The following ATP6V0A4 variants were observed in gnomAD, a reference collection of about 807,000 sequenced individuals.
ATP6V0A4 encodes the protein ATPase H+ transporting V0 subunit a4, also known as V-type proton ATPase 116 kDa subunit a 4.
Under a neutral mutation model 107.3 loss-of-function variants are expected in ATP6V0A4, and 86 were observed. The ratio of observed to expected loss-of-function variants is 0.80; its 90% CI spans 0.67 to 0.96. The LOEUF (loss-of-function observed/expected upper bound fraction) is 0.96. Ranked by LOEUF, ATP6V0A4 falls within the 40% of genes least tolerant of loss-of-function variation. The pLI is 0.00. For missense variants in ATP6V0A4, 908 were observed against 1,045.6 expected, an observed-to-expected ratio of 0.87 and a Z score of 1.81; for synonymous variants, 353 against 381.4, an observed-to-expected ratio of 0.93 and a Z score of 0.87.
chr7:138,771,204 A>G lies in ATP6V0A4; in HGVS notation c.44T>C (p.Leu15Pro), dbSNP rs1374810796. 1 of 1,614,214 alleles carries G rather than the reference A, an allele frequency of 6.2e-7. No homozygotes were observed. The highest frequency in any genetic ancestry group is 1.6e-4 in the Middle Eastern group (1 of 6,062). The part of the protein sequence containing the change: ...FRSEEMCLSQ[L>P]FLQVEAAYCC... The stretch of plus-strand genomic sequence containing the variant: ...ATATGCAGCTTCCACCTGGAGAAAC[A>G]GTTGTGACAAACACATCTCCTCGCT... The change falls in exon 3 of 22, where the codon CTG (leucine) becomes CCG (proline). Residue 15 changes from leucine to proline, a missense_variant. By Grantham distance (98) the Leu-to-Pro change is moderately conservative (BLOSUM62 -3). Transcript: ENST00000310018.
chr7:138,785,282 T>C (rs1328450815), intron 2 of ATP6V0A4, among the ~76,000 whole-genome samples: 1 of 149,814 alleles, frequency 6.7e-6, no homozygotes, highest in Non-Finnish European at 1.5e-5. Context: ...TTTTTTCTTT[T>C]TTTTTTTTTT....
intron 5 of ATP6V0A4, 71 bp from the exon 6 acceptor site, chr7:138,763,096 A>G: frequency 6.3e-7 from 1 of 1,585,992 alleles, no homozygotes; most frequent in East Asian, 2.3e-5. Context: ...ATTACCCACA[A>G]CAGATGACTA....
intron 15 of ATP6V0A4, among the ~76,000 whole-genome samples, chr7:138,737,115 A>AATATATATATATAT (rs1554394380): frequency 1.4e-4 from 12 of 86,758 alleles, no homozygotes; most frequent in African/African-American, 5.7e-4. Context: ...AGCCCTTATT[A>AATATATATATATAT]ATATATATAT....
intron 14 of ATP6V0A4, among the ~76,000 whole-genome samples, 187 bp downstream of exon 14, chr7:138,744,936 C>T (rs1805835993): frequency 6.6e-6 from 1 of 152,200 alleles, no homozygotes; most frequent in Non-Finnish European, 1.5e-5. Flanking sequence ...CTCCTAACCT[C>T]AGGTGATCCA....
intron 20 of ATP6V0A4, among the ~76,000 whole-genome samples, chr7:138,713,280 G>GAAAAAAAA (rs10673617): frequency 8.3e-6 from 1 of 120,748 alleles, no homozygotes; most frequent in African/African-American, 3.2e-5. Context: ...ACTCCAGCCT[G>GAAAAAAAA]AAAAAAAAAA....
At chr7:138,778,078 A>C (rs1807751255) in intron 2 of ATP6V0A4, among the ~76,000 whole-genome samples, 1 of 152,196 alleles carries the variant, frequency 6.6e-6, no homozygotes, top group Non-Finnish European at 1.5e-5. Flanking sequence ...TAAGGTATAT[A>C]TGAACATACA....
intron 17 of ATP6V0A4, among the ~76,000 whole-genome samples, chr7:138,730,931 C>CTCCTTTT (rs1804972049): frequency 8.1e-6 from 1 of 123,758 alleles, no homozygotes; most frequent in African/African-American, 3.1e-5. Flanking sequence ...TCTTCTTCTT[C>CTCCTTTT]TTTTTTTATT....
At position 138,798,177 on chromosome 7, in the gene ATP6V0A4, T is replaced by TGCTCG; in HGVS notation, c.-269_-265dup. On this transcript the variant is annotated 5_prime_UTR_variant, in exon 1 of 22. Coordinates refer to ENST00000310018, the MANE Select transcript of ATP6V0A4 (RefSeq NM_020632.3). ...GGCCTTTGCCTCCCTCCACTCGGCTTGCTCGGCAGGTAGCGTTATGAGCTT... is the reference window on the plus strand; with the variant it reads ...GGCCTTTGCCTCCCTCCACTCGGCTTGCTCGGCTCGGCAGGTAGCGTTATGAGCTT... The TGCTCG allele has an allele frequency of 6.3e-7, 1 of 1,594,690 alleles. No individual in the cohort carries two copies. The highest frequency in any genetic ancestry group is 8.5e-7 in the Non-Finnish European group (1 of 1,171,184).
intron 17 of ATP6V0A4, among the ~76,000 whole-genome samples, chr7:138,730,916 T>TTC (rs3080531): frequency 9.9e-5 from 14 of 141,036 alleles, no homozygotes; most frequent in South Asian, 2.3e-4. Flanking sequence ...CAAGGCATTT[T>TTC]TTCTTCTTCT....
chr7:138,762,447 G>C lies in ATP6V0A4; in HGVS notation c.418-13C>G, dbSNP rs752531162. ...AATTGGTTTCCGTCTGAAAGTCAAA[G>C]CACTATGATTTTCATTTAAATATAT... On this transcript the variant is annotated splice_polypyrimidine_tract_variant and intron_variant, in intron 6 of 21. Transcript: ENST00000310018. 8.6e-5 allele frequency: 138 copies of C among 1,613,790 alleles called. No individual in the cohort carries two copies. In the Middle Eastern group the frequency reaches 1.8e-3, roughly 21 times the overall value.
At position 138,724,908 on chromosome 7, in the gene ATP6V0A4, G is replaced by A. The variant is rs186131523; in HGVS notation, c.2011-2883C>T. 1.9e-3 allele frequency among the ~76,000 whole-genome samples: 292 copies of A among 152,258 alleles called. 3 individuals are homozygous for A. Among genetic ancestry groups the A allele is most frequent in the African/African-American group, 6.8e-3 (284 of 41,550 alleles). ...AGTCCTCTTACTAAAATCGCACAAT[G>A]CTTAAGCTGGGTGGCGTATGAAATA... On this transcript the variant is annotated intron_variant, in intron 18 of 21. Coordinates refer to ENST00000310018, the MANE Select transcript of ATP6V0A4 (RefSeq NM_020632.3).
chr7:138,752,560 AC>A, intron 11 of ATP6V0A4, 64 bp downstream of exon 11: 6 of 1,591,726 alleles, frequency 3.8e-6, no homozygotes, highest in Non-Finnish European at 5.1e-6. Context: ...TGAGGCCAAC[AC>A]CCTCTGAGAG....
rs966270023 is a variant in ATP6V0A4 at position 138,771,065 on chromosome 7, T to G, written c.117+66A>C. 2.8e-6 allele frequency: 4 copies of G among 1,415,350 alleles called. No homozygotes were observed. In the South Asian group the frequency reaches 3.5e-5, roughly 12 times the overall value. The allele number at this position is 1,415,350 out of a possible 1,614,324, so 87.7% of individuals were successfully genotyped here. A position where few individuals can be genotyped will look rare whatever the true frequency, so the allele number is the denominator to read the frequency against. ...ATGGTTATTGTTCACCATAAAGAAG[T>G]GTTGTGCAAGAGTTATCTACTCCCA... On this transcript the variant is annotated intron_variant, in intron 3 of 21. Transcript: ENST00000310018.
chr7:138,749,582 C>G (rs575384454), intron 11 of ATP6V0A4, among the ~76,000 whole-genome samples: 1 of 152,186 alleles, frequency 6.6e-6, no homozygotes, highest in South Asian at 2.1e-4. Flanking sequence ...GCTGTAAATG[C>G]GAATGTTATG....
chr7:138,759,680 G>T, intron 8 of ATP6V0A4, 72 bp downstream of exon 8: 1 of 1,512,894 alleles, frequency 6.6e-7, no homozygotes, highest in Non-Finnish European at 9.2e-7. Context: ...CCCATGTTTT[G>T]GGAGAACGAA....
intron 1 of ATP6V0A4, among the ~76,000 whole-genome samples, chr7:138,789,229 T>G (rs3823497): frequency 0.014 from 2,070 of 151,466 alleles, 19 homozygotes; most frequent in Middle Eastern, 0.048. Context: ...GGGGTTTTTT[T>G]TTGTTGTTGT....
At chr7:138,779,712 A>G (rs1807834681) in intron 2 of ATP6V0A4, among the ~76,000 whole-genome samples, 1 of 152,206 alleles carries the variant, frequency 6.6e-6, no homozygotes, top group South Asian at 2.1e-4. Flanking sequence ...TGAGTGGTGT[A>G]TACTCTTCTC....
intron 8 of ATP6V0A4, 32 bp from the exon 9 acceptor site, chr7:138,756,572 G>A: frequency 6.2e-7 from 1 of 1,601,006 alleles, no homozygotes; most frequent in Non-Finnish European, 8.5e-7. Context: ...AAAAAAAAGG[G>A]GGGGGTTTCT....
chr7:138,762,781 G>A (rs1806891461), intron 6 of ATP6V0A4, 119 bp downstream of exon 6: 10 of 1,231,084 alleles, frequency 8.1e-6, no homozygotes, highest in Non-Finnish European at 1.1e-5. Flanking sequence ...CTCACCAATG[G>A]CCTAGCCATG....
Sources: allele counts gnomAD v4.1 joint callset (sites outside exome capture counted in the v4.1 genomes callset), GRCh38; gene constraint gnomAD v4.1.1; transcripts MANE v1.5; gene names NCBI Gene and HGNC (gene_info 2026-07-23, HGNC 2026-07-21).